Variants in ARPP19 observed in about 807,000 individuals in gnomAD.
The protein encoded by ARPP19 is cAMP-regulated phosphoprotein 19.
ARPP19 carries 8 observed loss-of-function variants against 12.0 expected under a neutral mutation model. That is an observed-to-expected ratio of 0.67 (90% CI 0.39 to 1.21). The LOEUF (loss-of-function observed/expected upper bound fraction) is 1.21, where lower values mean the gene tolerates loss of function less well. ARPP19 is among the 50% of genes most tolerant of loss of function. ARPP19 has a pLI of 0.01. For synonymous variants in ARPP19, 47 were observed against 50.4 expected (o/e 0.93, Z 0.29); for missense variants, 102 against 136.3 (o/e 0.75, Z 1.25).
intron 2 of ARPP19, among the ~76,000 whole-genome samples, chr15:52,554,992 G>A (rs907137593): frequency 6.6e-6 from 1 of 151,968 alleles, no homozygotes; most frequent in African/African-American, 2.4e-5. Context: ...AAGGTAATTT[G>A]TCAAGTTTGC....
At chr15:52,552,959 C>T (rs1323610170) in intron 2 of ARPP19, among the ~76,000 whole-genome samples, 1 of 151,980 alleles carries the variant, frequency 6.6e-6, no homozygotes, top group East Asian at 1.9e-4. Flanking sequence ...TGTCTGGAAT[C>T]CCAGCTACCC....
At chr15:52,556,972 G>C in intron 2 of ARPP19, 128 bp downstream of exon 2, 2 of 919,286 alleles carry the variant, frequency 2.2e-6, no homozygotes, top group Non-Finnish European at 3.2e-6. Context: ...ACCCATTACA[G>C]ATACATATAC....
chr15:52,569,108 C>T, upstream of ARPP19: 1 of 547,426 alleles, frequency 1.8e-6, no homozygotes, highest in South Asian at 2.3e-5. Context: ...CACCGCACCC[C>T]TACCTACTTG....
chr15:52,564,993 G>C (rs1055241316), intron 1 of ARPP19, among the ~76,000 whole-genome samples: 1 of 151,902 alleles, frequency 6.6e-6, no homozygotes, highest in African/African-American at 2.4e-5. Flanking sequence ...ATATAAACCA[G>C]GGTCCCTGAG....
At position 52,568,904 on chromosome 15, in the gene ARPP19, T is replaced by C. The variant is rs987991734; in HGVS notation, c.-12A>G. The C allele has an allele frequency of 4.6e-6, 7 of 1,523,092 alleles. No individual in the cohort carries two copies. The highest frequency in any genetic ancestry group is 5.3e-6 in the Non-Finnish European group (6 of 1,133,468). The allele number at this position is 1,523,092 out of a possible 1,614,324, so 94.3% of individuals were successfully genotyped here. On this transcript the variant is annotated 5_prime_UTR_variant, in exon 1 of 3. Coordinates refer to ENST00000249822, the MANE Select transcript of ARPP19 (RefSeq NM_006628.6). ...ACTTCCGCAGACATAGTGCTCCCTCTGCAGACGAGACGCCGGGAAAAGATG... is the reference window on the plus strand; with the variant it reads ...ACTTCCGCAGACATAGTGCTCCCTCCGCAGACGAGACGCCGGGAAAAGATG...
At chr15:52,554,444 G>A (rs2077963484) in intron 2 of ARPP19, among the ~76,000 whole-genome samples, 2 of 12,668 alleles carry the variant, frequency 1.6e-4, no homozygotes, top group South Asian at 0.083. Context: ...TTAAGATAGA[G>A]AAGTGAACTA....
intron 2 of ARPP19, among the ~76,000 whole-genome samples, chr15:52,555,264 C>A (rs1394117761): frequency 1.3e-5 from 2 of 151,922 alleles, no homozygotes; most frequent in Non-Finnish European, 2.9e-5. Flanking sequence ...ATAAATAGTT[C>A]AAGCTAGAGA....
At chr15:52,558,257 G>A (rs2077999833) in intron 1 of ARPP19, among the ~76,000 whole-genome samples, 1 of 152,072 alleles carries the variant, frequency 6.6e-6, no homozygotes, top group African/African-American at 2.4e-5. Flanking sequence ...AGACCAGCCT[G>A]GGCAATATGG....
chr15:52,568,819 G>GGCCCAGGGCTCAC, intron 1 of ARPP19, 29 bp downstream of exon 1: 2 of 1,536,554 alleles, frequency 1.3e-6, no homozygotes, highest in Non-Finnish European at 1.7e-6. Context: ...CCTTGGGCAG[G>GGCCCAGGGCTCAC]GCCCAGGGCT....
At chr15:52,558,369 A>C (rs759521354) in intron 1 of ARPP19, among the ~76,000 whole-genome samples, 6 of 151,916 alleles carry the variant, frequency 3.9e-5, no homozygotes, top group African/African-American at 1.2e-4. Context: ...ATGACTGCTT[A>C]AGCATGGAAG....
chr15:52,569,003 C>T lies in ARPP19; in HGVS notation c.-111G>A. On this transcript the variant is annotated 5_prime_UTR_variant, in exon 1 of 3. Transcript: ENST00000249822. ...CCCAGGGCCCGCCGGGCCGCCTCCG[C>T]CCGCGAAAATGGCCGCCGCCTTATG... The T allele has an allele frequency of 1.3e-6, 1 of 773,870 alleles. No individual in the cohort carries two copies. Among genetic ancestry groups the T allele is most frequent in the South Asian group, 1.7e-5 (1 of 59,730 alleles). 47.9% of individuals were successfully genotyped at this position (773,870 alleles called of 1,614,324 possible).
rs2077905493 is a variant in ARPP19, at chr15:52,549,078, A to G, written c.*2856T>C. The G allele has an allele frequency of 6.6e-6, 1 of 152,276 alleles. No homozygotes were observed. Among genetic ancestry groups the G allele is most frequent in the African/African-American group, 2.4e-5 (1 of 41,474 alleles). The allele number at this position is 152,276 out of a possible 1,614,324, so 9.4% of individuals were successfully genotyped here. On this transcript the variant is annotated 3_prime_UTR_variant, in exon 3 of 3. Coordinates refer to ENST00000249822, the MANE Select transcript of ARPP19 (RefSeq NM_006628.6). ...AACCATGTCAGATGCTGCGTTCAAGAATGAAATGTTCCTCAAAACTGTTCT... is the reference window on the plus strand; with the variant it reads ...AACCATGTCAGATGCTGCGTTCAAGGATGAAATGTTCCTCAAAACTGTTCT...
At chr15:52,561,798 C>T (rs1255688822) in intron 1 of ARPP19, among the ~76,000 whole-genome samples, 2 of 151,156 alleles carry the variant, frequency 1.3e-5, no homozygotes, top group Non-Finnish European at 2.9e-5. Context: ...AAAAACCTAG[C>T]CACTTGTGGA....
rs1270322108 is a variant in ARPP19 at position 52,568,788 on chromosome 15, C to G, written c.45+60G>C. On this transcript the variant is annotated intron_variant, in intron 1 of 2. Transcript: ENST00000249822. Reference sequence around the variant, plus strand: ...GGCGCGGCCCTCCGCCTGGCGGGAGCAGGCCGCCCGCCAGACCCGGCCTTG... The same window carrying G: ...GGCGCGGCCCTCCGCCTGGCGGGAGGAGGCCGCCCGCCAGACCCGGCCTTG... 2.1e-5 allele frequency: 28 copies of G among 1,308,220 alleles called. No individual in the cohort carries two copies. In the South Asian group the frequency reaches 3.4e-4, roughly 16 times the overall value. The allele number at this position is 1,308,220 out of a possible 1,614,324, so 81.0% of individuals were successfully genotyped here.
rs1566891952 is a variant in ARPP19, at chr15:52,548,676, G to A, written c.*3258C>T. 1 of 152,240 alleles carries A rather than the reference G, an allele frequency of 6.6e-6. No homozygotes were observed. 9.4% of individuals were successfully genotyped at this position (152,240 alleles called of 1,614,324 possible). A position where few individuals can be genotyped will look rare whatever the true frequency, so the allele number is the denominator to read the frequency against. On this transcript the variant is annotated 3_prime_UTR_variant, in exon 3 of 3. Coordinates refer to ENST00000249822, the MANE Select transcript of ARPP19 (RefSeq NM_006628.6). ...GACTGAAAAAACATAGTTGATAAAG[G>A]GTTCAGTACTATCTGAGGTTTCAGG... is the stretch of plus-strand genomic sequence containing the variant.
chr15:52,548,135 G>T lies in ARPP19; in HGVS notation c.*3799C>A, dbSNP rs1378247533. On this transcript the variant is annotated 3_prime_UTR_variant, in exon 3 of 3. Transcript: ENST00000249822. ...CACTTTCTGTAGTTTGTTACCTGAG[G>T]CAACCTTGGTCCAAAAATATTATGT... 1 of 152,158 alleles carries T rather than the reference G, an allele frequency of 6.6e-6. No individual in the cohort carries two copies. Among genetic ancestry groups the T allele is most frequent in the Non-Finnish European group, 1.5e-5 (1 of 68,042 alleles). The allele number at this position is 152,158 out of a possible 1,614,324, so 9.4% of individuals were successfully genotyped here. A position where few individuals can be genotyped will look rare whatever the true frequency, so the allele number is the denominator to read the frequency against.
At chr15:52,564,132 G>T in intron 1 of ARPP19, 1 of 1,239,768 alleles carries the variant, frequency 8.1e-7, no homozygotes, top group Middle Eastern at 1.8e-4. Context: ...ACAAACTGTT[G>T]TATCGCAAAC....
At chr15:52,558,784 T>C (rs1317205746) in intron 1 of ARPP19, among the ~76,000 whole-genome samples, 1 of 135,066 alleles carries the variant, frequency 7.4e-6, no homozygotes, top group East Asian at 2.1e-4. Context: ...ATTCATACAT[T>C]AAAAAAAAAA....
chr15:52,552,488 T>G (rs1419864512), intron 2 of ARPP19, among the ~76,000 whole-genome samples: 8 of 149,174 alleles, frequency 5.4e-5, no homozygotes, highest in African/African-American at 2.0e-4. Flanking sequence ...CTCCAGAGGT[T>G]GAGGCTTAAG....
Sources: allele counts gnomAD v4.1 joint callset (sites outside exome capture counted in the v4.1 genomes callset), GRCh38; gene constraint gnomAD v4.1.1; transcripts MANE v1.5; gene names NCBI Gene and HGNC (gene_info 2026-07-23, HGNC 2026-07-21).